The following MACROD2 variants were observed in gnomAD, a reference collection of about 807,000 sequenced individuals.
MACROD2 encodes mono-ADP ribosylhydrolase 2.
A neutral mutation model predicts 70.4 loss-of-function variants in MACROD2; 36 were observed. That is an observed-to-expected ratio of 0.51 (90% CI 0.39 to 0.68). The LOEUF is 0.68. MACROD2 is among the 30% of genes least tolerant of loss of function. MACROD2 has a pLI of 0.00. For synonymous variants in MACROD2, 172 were observed against 178.8 expected, an observed-to-expected ratio of 0.96 and a Z score of 0.30; for missense variants, 496 against 538.4, an observed-to-expected ratio of 0.92 and a Z score of 0.78.
intron 3 of MACROD2, among the ~76,000 whole-genome samples, chr20:14,462,752 T>C (rs551446367): frequency 2.6e-5 from 4 of 152,270 alleles, no homozygotes; most frequent in South Asian, 2.1e-4. Flanking sequence ...TTTCTACATA[T>C]GGCTAGCCAG....
intron 4 of MACROD2, among the ~76,000 whole-genome samples, chr20:14,518,200 T>C (rs2085124406): frequency 6.6e-6 from 1 of 152,068 alleles, no homozygotes; most frequent in South Asian, 2.1e-4. Flanking sequence ...TAGGACTTTT[T>C]AAAATATCCA....
At position 15,326,503 on chromosome 20, in the gene MACROD2, C is replaced by T. The variant is rs562216853; in HGVS notation, c.540+96442C>T. ...AAATTTATTAACAATTTATACACTCCCTTCTCCTGACAAGTCCCCATATAT... is the reference window on the plus strand; with the variant it reads ...AAATTTATTAACAATTTATACACTCTCTTCTCCTGACAAGTCCCCATATAT... On this transcript the variant is annotated intron_variant, in intron 6 of 17. Coordinates refer to ENST00000684519, the MANE Select transcript of MACROD2 (RefSeq NM_001351661.2). Among the ~76,000 whole-genome samples the T allele has an allele frequency of 5.3e-5, 8 of 152,010 alleles. 1 individual carries two copies. The South Asian group carries it at 1.7e-3, about 32-fold the overall frequency.
At chr20:16,047,232 C>T (rs567896454) in intron 17 of MACROD2, among the ~76,000 whole-genome samples, 1 of 152,194 alleles carries the variant, frequency 6.6e-6, no homozygotes, top group African/African-American at 2.4e-5. Context: ...GGAACCCTTG[C>T]TCCATGAATC....
intron 8 of MACROD2, among the ~76,000 whole-genome samples, chr20:15,530,625 A>G (rs1233739): frequency 0.5 from 75,580 of 150,676 alleles, 21,776 homozygotes; most frequent in African/African-American, 0.8. Context: ...CCAGCTACTC[A>G]GGAGGCTGAG....
At chr20:14,704,002 A>G (rs2071238181) in intron 5 of MACROD2, among the ~76,000 whole-genome samples, 1 of 152,106 alleles carries the variant, frequency 6.6e-6, no homozygotes, top group Non-Finnish European at 1.5e-5. Context: ...TGCTGAGATT[A>G]CAGGTGTGAG....
chr20:15,409,685 T>A (rs141072080), intron 6 of MACROD2, among the ~76,000 whole-genome samples: 1 of 152,332 alleles, frequency 6.6e-6, no homozygotes, highest in African/African-American at 2.4e-5. Flanking sequence ...AGTTGCATTA[T>A]TAAACAAGTT....
chr20:15,761,447 A>G (rs1394091478), intron 8 of MACROD2, among the ~76,000 whole-genome samples: 2 of 152,240 alleles, frequency 1.3e-5, no homozygotes, highest in Non-Finnish European at 2.9e-5. Flanking sequence ...AGCTTAGTAA[A>G]TAATTAAGGC....
intron 8 of MACROD2, among the ~76,000 whole-genome samples, chr20:15,688,674 T>C (rs1259637867): frequency 6.6e-6 from 1 of 152,232 alleles, no homozygotes; most frequent in Non-Finnish European, 1.5e-5. Flanking sequence ...ACACTTATTT[T>C]GATGCATACA....
chr20:14,359,189 A>AAAAC (rs112223216), intron 3 of MACROD2, among the ~76,000 whole-genome samples: 9,277 of 151,964 alleles, frequency 0.061, 464 homozygotes, highest in African/African-American at 0.14. Flanking sequence ...CTCTGTCTCA[A>AAAAC]AAACAAACAA....
In MACROD2 at chr20:16,044,635, A is replaced by G. The variant is rs781040971; in HGVS notation, c.1296A>G (p.Leu432=). The change falls in exon 17 of 18, where the codon CTA becomes CTG. Residue 432 remains leucine (L), a synonymous_variant. Coordinates refer to ENST00000684519, the MANE Select transcript of MACROD2 (RefSeq NM_001351661.2). ...CAGAGAGTCAACAAGAAGATCAACT[A>G]ATAGGTAAGATGCCCCTTGTGGTGA... ...DPTESQQEDQ[L]IAGAQDEAKE... 3.7e-6 allele frequency: 6 copies of G among 1,611,816 alleles called. No homozygotes were observed. The South Asian group carries it at 6.6e-5, about 18-fold the overall frequency.
intron 2 of MACROD2, among the ~76,000 whole-genome samples, chr20:14,015,702 T>TA (rs2052979664): frequency 6.6e-6 from 1 of 152,242 alleles, no homozygotes; most frequent in South Asian, 2.1e-4. Context: ...CAGTTGTAGA[T>TA]ACAATCATGT....
At chr20:15,255,096 TTAGA>T (rs1166684072) in intron 6 of MACROD2, among the ~76,000 whole-genome samples, 1 of 152,026 alleles carries the variant, frequency 6.6e-6, no homozygotes, top group African/African-American at 2.4e-5. Flanking sequence ...GTTGTTTAAT[TTAGA>T]TAGAACCCTC....
intron 3 of MACROD2, among the ~76,000 whole-genome samples, chr20:14,184,696 T>G (rs2081331256): frequency 6.6e-6 from 1 of 152,168 alleles, no homozygotes; most frequent in Non-Finnish European, 1.5e-5. Flanking sequence ...TTCTCTTTGA[T>G]TTCTTTGAGC....
At chr20:15,536,065 C>A (rs187500339) in intron 8 of MACROD2, among the ~76,000 whole-genome samples, 2 of 152,290 alleles carry the variant, frequency 1.3e-5, no homozygotes, top group Admixed American at 6.5e-5. Context: ...CTGCAACAGG[C>A]AGCAGGGTCC....
At chr20:16,027,275 AG>A (rs1464575956) in intron 15 of MACROD2, among the ~76,000 whole-genome samples, 3 of 152,072 alleles carry the variant, frequency 2.0e-5, no homozygotes, top group African/African-American at 4.8e-5. Context: ...TAAACCAGCA[AG>A]ATTATTTCTT....
At chr20:15,223,368 C>A (rs1333701793) in intron 5 of MACROD2, among the ~76,000 whole-genome samples, 1 of 152,224 alleles carries the variant, frequency 6.6e-6, no homozygotes. Flanking sequence ...AATAACATCA[C>A]TTTCACCACT....
chr20:14,913,341 A>G (rs944038185), intron 5 of MACROD2, among the ~76,000 whole-genome samples: 4 of 152,120 alleles, frequency 2.6e-5, no homozygotes, highest in African/African-American at 7.2e-5. Context: ...TGTACTTTAT[A>G]TCTCAAAGTT....
chr20:14,117,113 T>C (rs1601241933), intron 3 of MACROD2, among the ~76,000 whole-genome samples: 1 of 151,752 alleles, frequency 6.6e-6, no homozygotes, highest in African/African-American at 2.4e-5. Flanking sequence ...CATGGCTACA[T>C]AGTATATTCT....
intron 5 of MACROD2, among the ~76,000 whole-genome samples, chr20:14,710,402 T>C (rs1042886130): frequency 6.6e-6 from 1 of 152,184 alleles, no homozygotes; most frequent in Non-Finnish European, 1.5e-5. Context: ...GTGATTTAAA[T>C]AGCATTTAAA....
Sources: gnomAD v4.1 joint callset for allele counts (sites outside exome capture counted in the v4.1 genomes callset) on GRCh38, gnomAD v4.1.1 for gene constraint, MANE v1.5 for transcripts, NCBI Gene and HGNC (gene_info 2026-07-23, HGNC 2026-07-21) for gene names.